The following KCNQ5 variants were observed in gnomAD, a reference collection of about 807,000 sequenced individuals.
KCNQ5 encodes the protein potassium voltage-gated channel subfamily Q member 5.
In KCNQ5, 30 loss-of-function variants were observed where a neutral mutation model predicts 98.2. That is an observed-to-expected ratio of 0.31 (90% CI 0.23 to 0.41). The LOEUF (loss-of-function observed/expected upper bound fraction) is 0.41. KCNQ5 is among the 10% of genes least tolerant of loss of function. The pLI, the probability that KCNQ5 is intolerant of heterozygous loss-of-function variation, is 1.00. For synonymous variants in KCNQ5, 458 were observed against 449.4 expected, an observed-to-expected ratio of 1.02 and a Z score of -0.24; for missense variants, 835 against 1,182.5, an observed-to-expected ratio of 0.71 and a Z score of 4.31.
intron 10 of KCNQ5, chr6:73,143,319 T>C (rs916304718): frequency 1.3e-5 from 2 of 152,236 alleles, no homozygotes; most frequent in African/African-American, 4.8e-5. Flanking sequence ...GCAAAGTATC[T>C]TCCTTAGCCA....
At chr6:73,030,785 C>CACT (rs960972318) in intron 2 of KCNQ5, among the ~76,000 whole-genome samples, 18 of 152,192 alleles carry the variant, frequency 1.2e-4, no homozygotes, top group Middle Eastern at 3.2e-3. Flanking sequence ...AGGACTCCAA[C>CACT]ACTACCCTGC....
intron 1 of KCNQ5, among the ~76,000 whole-genome samples, chr6:72,854,789 C>T (rs913548348): frequency 1.4e-4 from 20 of 138,736 alleles, no homozygotes; most frequent in African/African-American, 5.6e-4. Flanking sequence ...TGTGTGCGTG[C>T]GTAGATTAGA....
At chr6:73,059,078 A>G (rs949663575) in intron 3 of KCNQ5, among the ~76,000 whole-genome samples, 2 of 152,212 alleles carry the variant, frequency 1.3e-5, no homozygotes, top group East Asian at 3.8e-4. Context: ...TTCTCAAAGG[A>G]ATGTAACTCA....
At chr6:72,797,280 G>A (rs145507634) in intron 1 of KCNQ5, among the ~76,000 whole-genome samples, 3 of 152,210 alleles carry the variant, frequency 2.0e-5, no homozygotes, top group South Asian at 2.1e-4. Context: ...CACTTTGGGA[G>A]GCTGAGGTAG....
intron 1 of KCNQ5, among the ~76,000 whole-genome samples, chr6:72,850,937 A>G (rs954836309): frequency 4.0e-5 from 6 of 151,862 alleles, no homozygotes; most frequent in African/African-American, 1.5e-4. Context: ...GTGAGAGAAA[A>G]AGAAAACTTG....
In KCNQ5 at chr6:72,852,660, T is replaced by TATATATATATATATATAA. The variant is rs1232591580; in HGVS notation, c.399-151247_399-151246insTATATATATATATATAAA. Among the ~76,000 whole-genome samples, 47 of 128,494 alleles carry TATATATATATATATATAA rather than the reference T, an allele frequency of 3.7e-4. 1 individual carries two copies. The highest frequency in any genetic ancestry group is 1.2e-3 in the African/African-American group (39 of 33,252). The allele number at this position is 128,494 out of a possible 152,430, so 84.3% of individuals were successfully genotyped here. The stretch of plus-strand genomic sequence containing the variant: ...GGGGAAATATATATATATATATATA[T>TATATATATATATATATAA]AAATGGCACTTAATGGTAAAGATGT... On this transcript the variant is annotated intron_variant, in intron 1 of 13. Transcript: ENST00000370398.
At chr6:72,986,535 C>T in intron 1 of KCNQ5, 1 of 560,898 alleles carries the variant, frequency 1.8e-6, no homozygotes, top group Non-Finnish European at 3.2e-6. Context: ...TGGGAAGGCA[C>T]CTGAGATGCC....
chr6:72,999,177 C>T (rs1292247953), intron 1 of KCNQ5, among the ~76,000 whole-genome samples: 2 of 152,196 alleles, frequency 1.3e-5, no homozygotes, highest in Admixed American at 6.5e-5. Flanking sequence ...TACAAGCACC[C>T]ATGAGATTCC....
At chr6:72,891,366 CAA>C (rs1779051336) in intron 1 of KCNQ5, among the ~76,000 whole-genome samples, 1 of 152,064 alleles carries the variant, frequency 6.6e-6, no homozygotes, top group Non-Finnish European at 1.5e-5. Flanking sequence ...TGAACATACT[CAA>C]AAAGTGTCAA....
rs1295423304 is a variant in KCNQ5, at chr6:72,622,396, T to TGGC, written c.216_218dup (p.Gly74dup). 3 of 1,481,696 alleles carry TGGC rather than the reference T, an allele frequency of 2.0e-6. No individual in the cohort carries two copies. The highest frequency in any genetic ancestry group is 1.5e-5 in the African/African-American group (1 of 68,804). The allele number at this position is 1,481,696 out of a possible 1,614,324, so 91.8% of individuals were successfully genotyped here. A position where few individuals can be genotyped will look rare whatever the true frequency, so the allele number is the denominator to read the frequency against. ...TGGGCACCCGCGCGGCCACGCTCGGTGGCGGCGGCGGTGGCCTGAGGGAGA... is the reference window on the plus strand; with the variant it reads ...TGGGCACCCGCGCGGCCACGCTCGGTGGCGGCGGCGGCGGTGGCCTGAGGGAGA... On this transcript the variant is annotated inframe_insertion, in exon 1 of 14. Transcript: ENST00000370398. The surrounding 1 kb of genome is among the most constrained non-coding windows in gnomAD (Gnocchi z 6.0).
chr6:73,087,322 G>A (rs769305801), intron 5 of KCNQ5, among the ~76,000 whole-genome samples: 15 of 152,196 alleles, frequency 9.9e-5, no homozygotes, highest in Non-Finnish European at 1.6e-4. Context: ...TGAGGGAAAT[G>A]AATAGTTAGG....
At chr6:72,846,931 G>A (rs112340489) in intron 1 of KCNQ5, among the ~76,000 whole-genome samples, 1 of 152,084 alleles carries the variant, frequency 6.6e-6, no homozygotes, top group Non-Finnish European at 1.5e-5. Flanking sequence ...GGATAAATAA[G>A]TTATTTAAAA....
At chr6:73,115,237 C>T (rs1056472683) in intron 7 of KCNQ5, among the ~76,000 whole-genome samples, 4 of 151,718 alleles carry the variant, frequency 2.6e-5, no homozygotes, top group Non-Finnish European at 5.9e-5. Flanking sequence ...TGAAAATTTC[C>T]CTGAAACTAG....
At chr6:72,808,465 G>A (rs908644188) in intron 1 of KCNQ5, among the ~76,000 whole-genome samples, 4 of 152,264 alleles carry the variant, frequency 2.6e-5, no homozygotes, top group African/African-American at 4.8e-5. Context: ...GGTACCCATT[G>A]TCAAAACCCA....
chr6:73,126,540 A>T (rs988638750), intron 9 of KCNQ5, among the ~76,000 whole-genome samples: 1 of 152,254 alleles, frequency 6.6e-6, no homozygotes, highest in Non-Finnish European at 1.5e-5. Flanking sequence ...TTCCACATTT[A>T]TGATGTTCGC....
chr6:72,673,824 G>A (rs888011107), intron 1 of KCNQ5, among the ~76,000 whole-genome samples: 21 of 152,092 alleles, frequency 1.4e-4, no homozygotes, highest in Non-Finnish European at 2.6e-4. Flanking sequence ...TACTTGAGAG[G>A]GTCACCAGAT....
chr6:72,703,081 C>T (rs1041015650), intron 1 of KCNQ5, among the ~76,000 whole-genome samples: 5 of 152,290 alleles, frequency 3.3e-5, no homozygotes, highest in East Asian at 3.9e-4. Flanking sequence ...GCTAGACCCC[C>T]GCAGTGGCTC....
At chr6:72,833,853 C>CA (rs1776392210) in intron 1 of KCNQ5, among the ~76,000 whole-genome samples, 1 of 151,738 alleles carries the variant, frequency 6.6e-6, no homozygotes. Context: ...AATAACTATA[C>CA]AACAGTGAAA....
At chr6:72,833,505 A>G (rs1467962497) in intron 1 of KCNQ5, among the ~76,000 whole-genome samples, 2 of 152,212 alleles carry the variant, frequency 1.3e-5, no homozygotes, top group Non-Finnish European at 2.9e-5. Context: ...AATAATCATG[A>G]AATATTTCTT....
Sources: allele counts gnomAD v4.1 joint callset (sites outside exome capture counted in the v4.1 genomes callset), GRCh38; gene constraint gnomAD v4.1.1; non-coding constraint Gnocchi (gnomAD v3.1); transcripts MANE v1.5; gene names NCBI Gene and HGNC (gene_info 2026-07-23, HGNC 2026-07-21).